The following APIP variants were observed in gnomAD, a reference collection of about 807,000 sequenced individuals.
APIP encodes the protein methylthioribulose-1-phosphate dehydratase.
Under a neutral mutation model 32.0 loss-of-function variants are expected in APIP, and 32 were observed. The observed-to-expected ratio is 1.00, with a 90% CI of 0.76 to 1.34. The LOEUF (loss-of-function observed/expected upper bound fraction) is 1.34, where lower values mean the gene tolerates loss of function less well. Among genes scored for constraint, APIP ranks in the 40% most tolerant of loss-of-function variants. The probability of loss-of-function intolerance (pLI) is 0.00; values close to 1 mark genes in which losing one functional copy is unlikely to be tolerated. For missense variants in APIP, 247 were observed against 298.6 expected, an observed-to-expected ratio of 0.83 and a Z score of 1.27; for synonymous variants, 92 against 94.8, an observed-to-expected ratio of 0.97 and a Z score of 0.17.
intron 1 of APIP, 168 bp downstream of exon 1, chr11:34,916,060 G>C (rs1221064743): frequency 1.1e-6 from 1 of 876,322 alleles, no homozygotes; most frequent in Admixed American, 2.9e-5. Flanking sequence ...TCGCAGCCTT[G>C]CTTCCGAACG....
At chr11:34,913,746 C>T (rs1236982995) in intron 1 of APIP, among the ~76,000 whole-genome samples, 1 of 152,214 alleles carries the variant, frequency 6.6e-6, no homozygotes, top group African/African-American at 2.4e-5. Flanking sequence ...GCCCCACCCA[C>T]ATCCTGCTGA....
At position 34,883,491 on chromosome 11, in the gene APIP, ACATAT is replaced by A. The variant is rs766971159; in HGVS notation, c.470_474del (p.Asp157ValfsTer7). The A allele has an allele frequency of 1.2e-6, 2 of 1,613,148 alleles. No individual in the cohort carries two copies. Among genetic ancestry groups the A allele is most frequent in the African/African-American group, 2.7e-5 (2 of 75,012 alleles). ...GTATTCTCAATAATGGGTACCACTA[ACATAT>A]CATCATATCTGTAAGACAAAACAAG... On this transcript the variant is annotated frameshift_variant, in exon 6 of 7. Transcript: ENST00000395787. LOFTEE classifies it high-confidence loss of function.
At chr11:34,884,451 G>A (rs1853024033) in intron 5 of APIP, among the ~76,000 whole-genome samples, 1 of 152,162 alleles carries the variant, frequency 6.6e-6, no homozygotes, top group African/African-American at 2.4e-5. Context: ...ATGGCTAGGT[G>A]CATTGGCTCA....
At chr11:34,916,093 T>C in intron 1 of APIP, 135 bp downstream of exon 1, 1 of 1,168,348 alleles carries the variant, frequency 8.6e-7, no homozygotes, top group Non-Finnish European at 1.2e-6. Context: ...TGCGCCGGGG[T>C]AGCGAACGGC....
rs968938552 is a variant in APIP, at chr11:34,895,071, T to A, written c.97A>T (p.Lys33Ter). The A allele has an allele frequency of 5.0e-6, 8 of 1,614,148 alleles. No homozygotes were observed. The highest frequency in any genetic ancestry group is 2.2e-5 in the East Asian group (1 of 44,868). Residue 33 changes from lysine to a stop codon, truncating the protein, a stop_gained, in exon 2 of 7, where the codon AAA (lysine) becomes TAA (stop). Coordinates refer to ENST00000395787, the MANE Select transcript of APIP (RefSeq NM_015957.4). LOFTEE classifies it high-confidence loss of function. Reference protein sequence around the residue: ...HPRYLIPELCKQFYHLGWVTG... With the variant: ...HPRYLIPELC ...ACCCAGCCTAAATGGTAAAACTGTT[T>A]GCAAAGTTCTGGGATCAGGTATCTT...
intron 5 of APIP, among the ~76,000 whole-genome samples, chr11:34,887,499 A>G (rs1384858767): frequency 6.6e-6 from 1 of 152,222 alleles, no homozygotes; most frequent in Non-Finnish European, 1.5e-5. Context: ...TCAATTTCTC[A>G]GTGCACTAGT....
At chr11:34,899,541 A>C (rs1302927584) in intron 1 of APIP, among the ~76,000 whole-genome samples, 2 of 152,226 alleles carry the variant, frequency 1.3e-5, no homozygotes, top group Non-Finnish European at 2.9e-5. Context: ...CCATAATAGC[A>C]GGATATAGAG....
At chr11:34,885,505 T>A (rs1490701037) in intron 5 of APIP, among the ~76,000 whole-genome samples, 1 of 152,030 alleles carries the variant, frequency 6.6e-6, no homozygotes, top group African/African-American at 2.4e-5. Context: ...TTGCCTCTAG[T>A]GGACAAGGGC....
intron 1 of APIP, among the ~76,000 whole-genome samples, chr11:34,898,145 A>G (rs527278452): frequency 6.0e-4 from 92 of 152,276 alleles, no homozygotes; most frequent in African/African-American, 2.2e-3. Context: ...AATCCGAGGT[A>G]CAACATTCAT....
intron 2 of APIP, 116 bp from the exon 3 acceptor site, chr11:34,890,668 T>C: frequency 9.3e-7 from 1 of 1,073,700 alleles, no homozygotes; most frequent in Non-Finnish European, 1.3e-6. Context: ...GCCAGTTGCT[T>C]GATTTAATTA....
At chr11:34,907,906 G>C (rs769614250) in intron 1 of APIP, among the ~76,000 whole-genome samples, 5 of 151,918 alleles carry the variant, frequency 3.3e-5, no homozygotes, top group Non-Finnish European at 5.9e-5. Flanking sequence ...AAATCAGCCT[G>C]GCTTGTCTCC....
chr11:34,914,473 T>C (rs917258509), intron 1 of APIP, among the ~76,000 whole-genome samples: 54 of 152,194 alleles, frequency 3.5e-4, no homozygotes, highest in Non-Finnish European at 1.0e-4. Context: ...CTTTTCTTAT[T>C]GCTGTTTTTA....
intron 1 of APIP, among the ~76,000 whole-genome samples, chr11:34,901,970 C>T (rs1220398611): frequency 3.3e-5 from 5 of 152,134 alleles, no homozygotes; most frequent in Non-Finnish European, 5.9e-5. Flanking sequence ...TTAATAGCCC[C>T]TGCAACACCC....
chr11:34,916,315 A>G lies in APIP; in HGVS notation c.-31T>C. The G allele has an allele frequency of 6.2e-7, 1 of 1,609,580 alleles. No homozygotes were observed. Among genetic ancestry groups the G allele is most frequent in the Non-Finnish European group, 8.5e-7 (1 of 1,178,228 alleles). On this transcript the variant is annotated 5_prime_UTR_variant, in exon 1 of 7. Coordinates refer to ENST00000395787, the MANE Select transcript of APIP (RefSeq NM_015957.4). ...AGACCAGGGACCCGCGCGGCCTCCA[A>G]TCTCCGCACGGCTTTGCGCGCGGCG...
chr11:34,915,150 T>C (rs1311243776), intron 1 of APIP, among the ~76,000 whole-genome samples: 1 of 152,052 alleles, frequency 6.6e-6, no homozygotes, highest in African/African-American at 2.4e-5. Context: ...CTTAAGGCTC[T>C]CTTTGATGCT....
chr11:34,892,499 T>C (rs2133908993), intron 2 of APIP, among the ~76,000 whole-genome samples: 1 of 150,558 alleles, frequency 6.6e-6, no homozygotes, highest in Admixed American at 6.7e-5. Flanking sequence ...CTTTATTAAT[T>C]GTAGTCCTAA....
Position 34,916,265 on chromosome 11 carries a change from C to G in APIP, c.20G>C (p.Arg7Pro). Residue 7 changes from arginine to proline, a missense_variant, in exon 1 of 7, where the codon CGG (arginine) becomes CCG (proline). Transcript: ENST00000395787. The part of the protein sequence containing the change: MSGCDA[R>P]EGDCCSRRCG... ...TCTCCGGGAACAACAGTCTCCCTCCCGAGCATCACAGCCAGACATGGCCCA... is the reference window on the plus strand; with the variant it reads ...TCTCCGGGAACAACAGTCTCCCTCCGGAGCATCACAGCCAGACATGGCCCA... The G allele has an allele frequency of 6.2e-7, 1 of 1,612,680 alleles. No individual in the cohort carries two copies. Among genetic ancestry groups the G allele is most frequent in the Non-Finnish European group, 8.5e-7 (1 of 1,179,580 alleles).
intron 6 of APIP, 131 bp from the exon 7 acceptor site, chr11:34,882,947 C>T: frequency 1.6e-6 from 1 of 634,976 alleles, no homozygotes; most frequent in South Asian, 2.7e-5. Flanking sequence ...CAATTCTAGG[C>T]CAAAATTCTA....
intron 1 of APIP, among the ~76,000 whole-genome samples, chr11:34,912,464 T>C (rs1391621092): frequency 6.6e-6 from 1 of 152,212 alleles, no homozygotes; most frequent in Admixed American, 6.5e-5. Context: ...TGATGGTTAA[T>C]ACTGAGTGTC....
Sources: allele counts gnomAD v4.1 joint callset (sites outside exome capture counted in the v4.1 genomes callset), GRCh38; gene constraint gnomAD v4.1.1; transcripts MANE v1.5; gene names NCBI Gene and HGNC (gene_info 2026-07-23, HGNC 2026-07-21).